Variants in CDCA7L observed in about 807,000 individuals in gnomAD.
The protein encoded by CDCA7L is cell division cycle-associated 7-like protein.
Under a neutral mutation model 57.4 loss-of-function variants are expected in CDCA7L, and 44 were observed. The observed-to-expected ratio is 0.77, with a 90% CI of 0.60 to 0.98. The LOEUF is 0.98. CDCA7L is among the 50% of genes least tolerant of loss of function. CDCA7L has a pLI of 0.00. For missense variants in CDCA7L, 644 were observed against 580.6 expected (o/e 1.11, Z -1.12); for synonymous variants, 236 against 202.8 (o/e 1.16, Z -1.39).
chr7:21,903,378 G>T lies in CDCA7L; in HGVS notation c.1198-264C>A, dbSNP rs1185706782. On this transcript the variant is annotated intron_variant, in intron 8 of 9. Transcript: ENST00000406877. ...TCACAAGCATTTGGCCAAGCACAGGGCCCTGTGCGAGCATGCAGGTCACAG... is the reference window on the plus strand; with the variant it reads ...TCACAAGCATTTGGCCAAGCACAGGTCCCTGTGCGAGCATGCAGGTCACAG... Among the ~76,000 whole-genome samples the T allele has an allele frequency of 4.6e-5, 7 of 152,262 alleles. No individual in the cohort carries two copies. The East Asian group carries it at 1.4e-3, about 29-fold the overall frequency.
intron 8 of CDCA7L, among the ~76,000 whole-genome samples, chr7:21,903,474 C>T (rs1785013381): frequency 6.6e-6 from 1 of 152,128 alleles, no homozygotes; most frequent in South Asian, 2.1e-4. Flanking sequence ...TCAGCCCTTT[C>T]AATGTGTGCT....
At position 21,907,189 on chromosome 7, in the gene CDCA7L, C is replaced by T. The variant is rs372867065; in HGVS notation, c.682-550G>A. On this transcript the variant is annotated intron_variant, in intron 4 of 9. Coordinates refer to ENST00000406877, the MANE Select transcript of CDCA7L (RefSeq NM_018719.5). ...TATGCCAGAGAATTTAATTAGGATT[C>T]GTTTTAGTTTATACAATTATATGAG... Among the ~76,000 whole-genome samples, 9 of 152,166 alleles carry T rather than the reference C, an allele frequency of 5.9e-5. No homozygotes were observed. In the East Asian group the frequency reaches 1.2e-3, roughly 20 times the overall value.
intron 1 of CDCA7L, among the ~76,000 whole-genome samples, chr7:21,930,562 T>G (rs909577959): frequency 6.6e-6 from 1 of 151,796 alleles, no homozygotes; most frequent in Non-Finnish European, 1.5e-5. Context: ...CTGGGCGTGG[T>G]GGCGGGTGCC....
rs1784787354 is a variant in CDCA7L, at chr7:21,900,984, C to T, written c.*1338G>A. ...TTAGTAGCAAGCTGCCACACAATTG[C>T]AACCGCTGTGTTTTTGCCATAGGCG... On this transcript the variant is annotated 3_prime_UTR_variant, in exon 10 of 10. Transcript: ENST00000406877. 1.3e-6 allele frequency: 2 copies of T among 1,551,742 alleles called. No individual in the cohort carries two copies. The highest frequency in any genetic ancestry group is 1.7e-6 in the Non-Finnish European group (2 of 1,149,954).
chr7:21,901,275 A>G lies in CDCA7L; in HGVS notation c.*1047T>C. ...CGTAAGGTAACACTGGCATTCCTCT[A>G]GCCTCTGCTGGAGTGCAGTGAGGAT... is the stretch of plus-strand genomic sequence containing the variant. On this transcript the variant is annotated 3_prime_UTR_variant, in exon 10 of 10. Transcript: ENST00000406877. 6.3e-7 allele frequency: 1 copy of G among 1,594,744 alleles called. No individual in the cohort carries two copies. Among genetic ancestry groups the G allele is most frequent in the Non-Finnish European group, 8.6e-7 (1 of 1,169,484 alleles).
chr7:21,905,009 A>C (rs1026582705), intron 7 of CDCA7L, among the ~76,000 whole-genome samples: 2 of 152,042 alleles, frequency 1.3e-5, no homozygotes, highest in African/African-American at 2.4e-5. Flanking sequence ...ATTTTTTTTT[A>C]AATATTGGCA....
chr7:21,945,335 G>A (rs1786485367), intron 1 of CDCA7L, among the ~76,000 whole-genome samples: 1 of 151,644 alleles, frequency 6.6e-6, no homozygotes, highest in Admixed American at 6.5e-5. Flanking sequence ...CATTATCCAA[G>A]TTGGACTGGT....
chr7:21,933,861 A>G (rs1181145367), intron 1 of CDCA7L, among the ~76,000 whole-genome samples: 4 of 152,146 alleles, frequency 2.6e-5, no homozygotes, highest in Non-Finnish European at 5.9e-5. Flanking sequence ...GTCAGAAAGC[A>G]GTAGGATGAT....
chr7:21,906,753 G>T, intron 4 of CDCA7L, 114 bp from the exon 5 acceptor site: 2 of 916,570 alleles, frequency 2.2e-6, no homozygotes, highest in Non-Finnish European at 3.5e-6. Flanking sequence ...AACTTGAATA[G>T]TTTATATAAC....
chr7:21,918,672 C>T (rs917257344), intron 1 of CDCA7L, among the ~76,000 whole-genome samples: 1 of 151,530 alleles, frequency 6.6e-6, no homozygotes, highest in African/African-American at 2.4e-5. Context: ...GGAGGCTTTA[C>T]TTCTAGTTGG....
At chr7:21,935,132 CTA>C (rs1314961111) in intron 1 of CDCA7L, among the ~76,000 whole-genome samples, 1 of 152,066 alleles carries the variant, frequency 6.6e-6, no homozygotes, top group Non-Finnish European at 1.5e-5. Context: ...CCAGGACACA[CTA>C]TATGTTAGGC....
At chr7:21,932,697 C>A (rs2128068207) in intron 1 of CDCA7L, among the ~76,000 whole-genome samples, 1 of 152,204 alleles carries the variant, frequency 6.6e-6, no homozygotes, top group East Asian at 1.9e-4. Context: ...ACCATAAACA[C>A]CCTAGAAAAA....
chr7:21,912,317 T>C (rs759153700), intron 2 of CDCA7L, among the ~76,000 whole-genome samples: 6 of 152,194 alleles, frequency 3.9e-5, no homozygotes, highest in Non-Finnish European at 5.9e-5. Context: ...TACGTACACG[T>C]ATATATTACA....
Position 21,901,189 on chromosome 7 carries a change from CTGAAGAG to C in CDCA7L, c.*1126_*1132del. 6.2e-7 allele frequency: 1 copy of C among 1,613,430 alleles called. No individual in the cohort carries two copies. The highest frequency in any genetic ancestry group is 8.5e-7 in the Non-Finnish European group (1 of 1,179,654). ...CCCCAGCTACATCTGGACCTTCAGG[CTGAAGAG>C]CGAAGAGAAGACTGCAAAATGGGTT... On this transcript the variant is annotated 3_prime_UTR_variant, in exon 10 of 10. Transcript: ENST00000406877.
intron 1 of CDCA7L, among the ~76,000 whole-genome samples, chr7:21,917,420 A>G (rs1785519566): frequency 6.6e-6 from 1 of 152,204 alleles, no homozygotes; most frequent in South Asian, 2.1e-4. Context: ...GTAGCTGGGG[A>G]TTAATTCTAA....
At chr7:21,908,096 G>T (rs1160790101) in intron 4 of CDCA7L, 34 bp downstream of exon 4, 8 of 1,491,642 alleles carry the variant, frequency 5.4e-6, no homozygotes, top group Non-Finnish European at 7.1e-6. Flanking sequence ...AGAGCCTGGT[G>T]CCAACTCCCA....
intron 1 of CDCA7L, among the ~76,000 whole-genome samples, chr7:21,930,261 G>A (rs190439488): frequency 7.9e-5 from 12 of 152,242 alleles, no homozygotes; most frequent in South Asian, 2.1e-4. Context: ...TAAGTTCTTT[G>A]AAACCAATGA....
intron 4 of CDCA7L, among the ~76,000 whole-genome samples, chr7:21,906,987 C>T (rs962452178): frequency 5.3e-5 from 8 of 152,134 alleles, no homozygotes; most frequent in African/African-American, 1.9e-4. Context: ...ATTCATTTTG[C>T]ACACGTGAGT....
rs1380570818 is a variant in CDCA7L at position 21,901,611 on chromosome 7, A to C, written c.*711T>G. 2.4e-5 allele frequency: 4 copies of C among 165,412 alleles called. No homozygotes were observed. The highest frequency in any genetic ancestry group is 9.5e-5 in the African/African-American group (4 of 41,930). The allele number at this position is 165,412 out of a possible 1,614,324, so 10.2% of individuals were successfully genotyped here. Reference sequence around the variant, plus strand: ...TCATAAAAGTACATCATATGTGAACATGCAAAAGCAATGCAGCCGGAAAGA... The same window carrying C: ...TCATAAAAGTACATCATATGTGAACCTGCAAAAGCAATGCAGCCGGAAAGA... On this transcript the variant is annotated 3_prime_UTR_variant, in exon 10 of 10. Coordinates refer to ENST00000406877, the MANE Select transcript of CDCA7L (RefSeq NM_018719.5).
Sources: allele counts gnomAD v4.1 joint callset (sites outside exome capture counted in the v4.1 genomes callset), GRCh38; gene constraint gnomAD v4.1.1; transcripts MANE v1.5; gene names NCBI Gene and HGNC (gene_info 2026-07-23, HGNC 2026-07-21).